RYR3: variants seen among roughly 807,000 people sequenced by gnomAD.
RYR3 encodes the protein brain ryanodine receptor-calcium release channel.
RYR3 carries 207 observed loss-of-function variants against 584.3 expected under a neutral mutation model. That is an observed-to-expected ratio of 0.35 (90% CI 0.32 to 0.40). RYR3 has a LOEUF of 0.40. Ranked by LOEUF, RYR3 falls within the 10% of genes least tolerant of loss-of-function variation. The pLI is 1.00. For missense variants in RYR3, 5,616 were observed against 6,089.2 expected, an observed-to-expected ratio of 0.92 and a Z score of 2.59; for synonymous variants, 2,416 against 2,248.5, an observed-to-expected ratio of 1.07 and a Z score of -2.11.
chr15:33,589,316 T>G (rs1303275957), intron 16 of RYR3, among the ~76,000 whole-genome samples: 1 of 152,140 alleles, frequency 6.6e-6, no homozygotes, highest in Non-Finnish European at 1.5e-5. Context: ...TTGTTTTGTG[T>G]TGTTGTTGAG....
intron 81 of RYR3, among the ~76,000 whole-genome samples, chr15:33,823,396 A>G (rs2077210400): frequency 6.6e-6 from 1 of 152,194 alleles, no homozygotes; most frequent in African/African-American, 2.4e-5. Flanking sequence ...CTCATCAAAC[A>G]TGTATGTCCA....
intron 19 of RYR3, among the ~76,000 whole-genome samples, chr15:33,616,677 C>T (rs1170016327): frequency 6.6e-6 from 1 of 152,156 alleles, no homozygotes; most frequent in African/African-American, 2.4e-5. Context: ...AGCAGCTGAA[C>T]AGGTGGAAGG....
intron 16 of RYR3, among the ~76,000 whole-genome samples, chr15:33,591,432 TCATA>T (rs71117155): frequency 0.12 from 17,659 of 152,230 alleles, 1,127 homozygotes; most frequent in Middle Eastern, 0.2. Context: ...TGGCAAGCAT[TCATA>T]CATGTTTGTT....
chr15:33,755,998 T>C (rs1231535474), intron 58 of RYR3, among the ~76,000 whole-genome samples: 1 of 152,184 alleles, frequency 6.6e-6, no homozygotes, highest in Non-Finnish European at 1.5e-5. Context: ...GGTGTCGAAC[T>C]CCTGACCTCA....
Position 33,562,118 on chromosome 15 carries a change from G to C in RYR3, c.973-719G>C, listed in dbSNP as rs532094481. Among the ~76,000 whole-genome samples, 3 of 152,280 alleles carry C rather than the reference G, an allele frequency of 2.0e-5. No individual in the cohort carries two copies. In the South Asian group the frequency reaches 6.2e-4, roughly 32 times the overall value. ...GGGGAAGAAGTTACCATGCATCAGA[G>C]GTCTACCTCATGACACGCTATTGTG... On this transcript the variant is annotated intron_variant, in intron 10 of 103. Coordinates refer to ENST00000634891, the MANE Select transcript of RYR3 (RefSeq NM_001036.6).
rs34767570 is a variant in RYR3, at chr15:33,382,319, C to CTTTTTTTT, written c.51+71238_51+71245dup. Among the ~76,000 whole-genome samples the CTTTTTTTT allele has an allele frequency of 5.8e-3, 606 of 104,766 alleles. 74 individuals carry two copies. The highest frequency in any genetic ancestry group is 0.02 in the African/African-American group (500 of 24,692). 68.7% of individuals were successfully genotyped at this position (104,766 alleles called of 152,430 possible). The stretch of plus-strand genomic sequence containing the variant: ...CAGGAACTGCTAATTTTAAAAGTGG[C>CTTTTTTTT]TTTTTTTTTTTTTTTTTTTTTTGAG... On this transcript the variant is annotated intron_variant, in intron 1 of 103. Coordinates refer to ENST00000634891, the MANE Select transcript of RYR3 (RefSeq NM_001036.6).
intron 60 of RYR3, among the ~76,000 whole-genome samples, chr15:33,765,632 CAAAAAA>C (rs761552773): frequency 1.6e-5 from 1 of 60,952 alleles, no homozygotes; most frequent in Non-Finnish European, 3.3e-5. Context: ...GACTCCGTCT[CAAAAAA>C]AAAAAAAAAA....
At chr15:33,596,163 AG>A (rs1284944946) in intron 16 of RYR3, among the ~76,000 whole-genome samples, 1 of 151,272 alleles carries the variant, frequency 6.6e-6, no homozygotes, top group Non-Finnish European at 1.5e-5. Flanking sequence ...ATAACCTTTA[AG>A]TTTTGAATTA....
At chr15:33,413,062 T>A (rs895042837) in intron 1 of RYR3, among the ~76,000 whole-genome samples, 2 of 152,236 alleles carry the variant, frequency 1.3e-5, no homozygotes, top group Non-Finnish European at 2.9e-5. Context: ...TATTATTTCA[T>A]GGATAAAATG....
At chr15:33,849,287 C>T (rs1597006328) in intron 94 of RYR3, 1 of 152,210 alleles carries the variant, frequency 6.6e-6, no homozygotes, top group African/African-American at 2.4e-5. Flanking sequence ...AGGCATGTGG[C>T]ACTGTGGTGG....
At chr15:33,598,193 A>T (rs2152544897) in intron 16 of RYR3, among the ~76,000 whole-genome samples, 1 of 151,238 alleles carries the variant, frequency 6.6e-6, no homozygotes, top group East Asian at 1.9e-4. Context: ...TACAAAAAAA[A>T]AAAAATCAGA....
chr15:33,839,836 A>C (rs1312625883), intron 89 of RYR3: 1 of 152,198 alleles, frequency 6.6e-6, no homozygotes, highest in African/African-American at 2.4e-5. Context: ...TTCAGGGAAG[A>C]AAACATCAGA....
intron 54 of RYR3, 90 bp downstream of exon 54, chr15:33,748,350 C>A: frequency 6.5e-7 from 1 of 1,542,144 alleles, no homozygotes; most frequent in South Asian, 1.1e-5. Flanking sequence ...TAGGTGGGAC[C>A]ATCTAAGATG....
At chr15:33,467,050 G>A (rs1373151180) in intron 1 of RYR3, among the ~76,000 whole-genome samples, 1 of 152,074 alleles carries the variant, frequency 6.6e-6, no homozygotes, top group Non-Finnish European at 1.5e-5. Flanking sequence ...AAGGCTTTTG[G>A]GTAAAGTCTT....
intron 31 of RYR3, among the ~76,000 whole-genome samples, chr15:33,650,187 G>A (rs750821173): frequency 4.6e-5 from 7 of 152,104 alleles, no homozygotes; most frequent in East Asian, 1.9e-4. Context: ...GACCATCCTG[G>A]CCAACATGGT....
chr15:33,662,895 G>A lies in RYR3; in HGVS notation c.5365G>A (p.Ala1789Thr), dbSNP rs1008157427. The change falls in exon 35 of 104, where the codon GCT becomes ACT. Residue 1789 changes from alanine to threonine, a missense_variant. Ala to Thr is a moderately conservative substitution (Grantham distance 58, BLOSUM62 0). Coordinates refer to ENST00000634891, the MANE Select transcript of RYR3 (RefSeq NM_001036.6). ...VEAGEKAGKEAPVKGLLQTRL... is the reference protein window; with the variant it reads ...VEAGEKAGKETPVKGLLQTRL... The stretch of plus-strand genomic sequence containing the variant: ...GGCTGGGGAGAAGGCCGGCAAGGAG[G>A]CTCCTGTCAAAGGCTTGTTGCAGAC... 31 of 1,613,472 alleles carry A rather than the reference G, an allele frequency of 1.9e-5. No individual in the cohort carries two copies. Among genetic ancestry groups the A allele is most frequent in the Non-Finnish European group, 2.6e-5 (31 of 1,179,880 alleles).
At chr15:33,815,744 C>T (rs2076783461) in intron 74 of RYR3, 1 of 395,544 alleles carries the variant, frequency 2.5e-6, no homozygotes, top group African/African-American at 2.1e-5. Context: ...ACAGAATCTC[C>T]CAAACTAAAG....
chr15:33,865,340 T>TA lies in RYR3; in HGVS notation c.*124dup, dbSNP rs200704038. 35,851 of 553,666 alleles carry TA rather than the reference T, an allele frequency of 0.065. No individual in the cohort carries two copies. Among genetic ancestry groups the TA allele is most frequent in the South Asian group, 0.095 (3,516 of 36,844 alleles). 34.3% of individuals were successfully genotyped at this position (553,666 alleles called of 1,614,324 possible). On this transcript the variant is annotated 3_prime_UTR_variant, in exon 104 of 104. Transcript: ENST00000634891. ...TGTGACATTTTCTAAATGCCTCCCT[T>TA]AAAAAAAAAACTGCTGAAAATCTGT...
At chr15:33,635,472 A>G in intron 25 of RYR3, 142 bp from the exon 26 acceptor site, 1 of 654,332 alleles carries the variant, frequency 1.5e-6, no homozygotes, top group South Asian at 1.8e-5. Flanking sequence ...CATGAACAGA[A>G]TGCCATATTG....
Sources: allele counts gnomAD v4.1 joint callset (sites outside exome capture counted in the v4.1 genomes callset), GRCh38; gene constraint gnomAD v4.1.1; transcripts MANE v1.5; gene names NCBI Gene and HGNC (gene_info 2026-07-23, HGNC 2026-07-21).